Variants in WDFY4 observed in about 807,000 individuals in gnomAD.
The protein encoded by WDFY4 is WD repeat- and FYVE domain-containing protein 4.
A neutral mutation model predicts 351.9 loss-of-function variants in WDFY4; 169 were observed. The observed-to-expected ratio is 0.48, with a 90% CI of 0.42 to 0.55. WDFY4 has a LOEUF of 0.55. Ranked by LOEUF, WDFY4 falls within the 20% of genes least tolerant of loss-of-function variation. The pLI, the probability that WDFY4 is intolerant of heterozygous loss-of-function variation, is 0.00. For missense variants in WDFY4, 3,803 were observed against 3,935.6 expected, an observed-to-expected ratio of 0.97 and a Z score of 0.90; for synonymous variants, 1,622 against 1,574.6, an observed-to-expected ratio of 1.03 and a Z score of -0.71.
intron 39 of WDFY4, among the ~76,000 whole-genome samples, chr10:48,840,390 T>G (rs1044124689): frequency 4.6e-5 from 7 of 151,518 alleles, no homozygotes; most frequent in African/African-American, 1.7e-4. Context: ...TCTCTCATTT[T>G]TGCTCTTCCC....
At chr10:48,893,991 T>C (rs1196770784) in intron 44 of WDFY4, among the ~76,000 whole-genome samples, 1 of 152,186 alleles carries the variant, frequency 6.6e-6, no homozygotes, top group Admixed American at 6.5e-5. Context: ...CTTGACTGCC[T>C]GAAATTCGAT....
intron 39 of WDFY4, among the ~76,000 whole-genome samples, chr10:48,860,754 A>G (rs2377657): frequency 6.6e-5 from 10 of 152,166 alleles, no homozygotes; most frequent in Non-Finnish European, 1.5e-4. Context: ...TGTATTTTTT[A>G]AAAAATTTAT....
rs545566636 is a variant in WDFY4, at chr10:48,774,995, G to C, written c.2768+323G>C. Reference sequence around the variant, plus strand: ...TGGGCCTGGAAGGCTCTGCCGGGAGGGGTGGGGCTGGGAGGGGCTGACTGT... The same window carrying C: ...TGGGCCTGGAAGGCTCTGCCGGGAGCGGTGGGGCTGGGAGGGGCTGACTGT... On this transcript the variant is annotated intron_variant, in intron 14 of 61. Coordinates refer to ENST00000325239, the MANE Select transcript of WDFY4 (RefSeq NM_001394531.1). Among the ~76,000 whole-genome samples the C allele has an allele frequency of 1.8e-4, 27 of 152,338 alleles. No homozygotes were observed. In the South Asian group the frequency reaches 5.4e-3, roughly 30 times the overall value.
chr10:48,784,636 G>A (rs2066339344), intron 19 of WDFY4, among the ~76,000 whole-genome samples: 1 of 140,162 alleles, frequency 7.1e-6, no homozygotes, highest in Non-Finnish European at 1.5e-5. Flanking sequence ...CTGCCTCCTG[G>A]GTTCAAGTGA....
At chr10:48,715,771 G>A (rs986270481) in intron 2 of WDFY4, among the ~76,000 whole-genome samples, 8 of 151,096 alleles carry the variant, frequency 5.3e-5, no homozygotes, top group Non-Finnish European at 1.0e-4. Context: ...GACTACAGGC[G>A]CCGGCCACCA....
At chr10:48,820,530 G>A (rs945771319) in intron 33 of WDFY4, 93 bp downstream of exon 33, 79 of 1,336,586 alleles carry the variant, frequency 5.9e-5, no homozygotes, top group Non-Finnish European at 8.1e-5. Flanking sequence ...GAGACAGAGG[G>A]CCTGGGGGCC....
chr10:48,860,063 A>G (rs1227460530), intron 39 of WDFY4, among the ~76,000 whole-genome samples: 4 of 152,166 alleles, frequency 2.6e-5, no homozygotes, highest in Admixed American at 2.6e-4. Flanking sequence ...TGAGAATTGC[A>G]GTTTGTGTCA....
intron 39 of WDFY4, among the ~76,000 whole-genome samples, chr10:48,833,739 G>A (rs770641652): frequency 1.3e-5 from 2 of 152,210 alleles, no homozygotes; most frequent in Non-Finnish European, 2.9e-5. Context: ...TGCTAGACAT[G>A]GCTGTAGGGT....
Position 48,822,384 on chromosome 10 carries a change from C to G in WDFY4, c.5829C>G (p.Gly1943=). ...SGGDAAMFRD[G]KEPQPSAEAA... is the part of the protein sequence containing the mutation. ...ACCTGTCCCCTCACTCCACAGACGG[C>G]AAAGAGCCTCAGCCAAGTGCAGAAG... is the stretch of plus-strand genomic sequence containing the variant. The change falls in exon 35 of 62, where the codon GGC becomes GGG. Residue 1943 remains glycine (G), a synonymous_variant. Transcript: ENST00000325239. 2.6e-6 allele frequency: 4 copies of G among 1,543,378 alleles called. No homozygotes were observed. Among genetic ancestry groups the G allele is most frequent in the Non-Finnish European group, 3.5e-6 (4 of 1,142,728 alleles).
At position 48,797,204 on chromosome 10, in the gene WDFY4, A is replaced by G. The variant is rs116079549; in HGVS notation, c.4410+754A>G. Among the ~76,000 whole-genome samples, 207 of 152,252 alleles carry G rather than the reference A, an allele frequency of 1.4e-3. 1 individual carries two copies. Among genetic ancestry groups the G allele is most frequent in the African/African-American group, 4.6e-3 (190 of 41,546 alleles). On this transcript the variant is annotated intron_variant, in intron 24 of 61. Coordinates refer to ENST00000325239, the MANE Select transcript of WDFY4 (RefSeq NM_001394531.1). ...ACTGTACATCAGAGTGAGAGCAGCC[A>G]TGGGGACTTGAGAGCAAGTGGCTTG...
At chr10:48,826,278 TTA>T in intron 35 of WDFY4, among the ~76,000 whole-genome samples, 1 of 152,330 alleles carries the variant, frequency 6.6e-6, no homozygotes, top group African/African-American at 2.4e-5. Flanking sequence ...ATGTGTGGTC[TTA>T]TATCTGAGTT....
At chr10:48,815,254 A>T (rs1265119015) in intron 31 of WDFY4, among the ~76,000 whole-genome samples, 1 of 152,212 alleles carries the variant, frequency 6.6e-6, no homozygotes, top group African/African-American at 2.4e-5. Flanking sequence ...GGCCAAACTG[A>T]TGATGGCTTC....
intron 44 of WDFY4, among the ~76,000 whole-genome samples, chr10:48,892,635 G>T (rs1405384559): frequency 6.6e-6 from 1 of 152,146 alleles, no homozygotes; most frequent in African/African-American, 2.4e-5. Context: ...GTCTTATTTT[G>T]ACCATGGAGA....
intron 47 of WDFY4, among the ~76,000 whole-genome samples, chr10:48,907,701 C>T (rs1475056097): frequency 1.3e-5 from 2 of 152,184 alleles, no homozygotes; most frequent in African/African-American, 4.8e-5. Context: ...TAGCATTTCT[C>T]CTCCTTCAAT....
chr10:48,724,044 C>T (rs536518832), intron 5 of WDFY4, among the ~76,000 whole-genome samples: 1 of 152,300 alleles, frequency 6.6e-6, no homozygotes, highest in East Asian at 1.9e-4. Context: ...TTCCTTCTGT[C>T]ATTCCCCATC....
At position 48,828,906 on chromosome 10, in the gene WDFY4, A is replaced by G. The variant is rs1256000511; in HGVS notation, c.6340+10A>G. The G allele has an allele frequency of 1.7e-6, 1 of 600,182 alleles. No individual in the cohort carries two copies. The highest frequency in any genetic ancestry group is 2.4e-6 in the Non-Finnish European group (1 of 421,976). The allele number at this position is 600,182 out of a possible 1,614,324, so 37.2% of individuals were successfully genotyped here. On this transcript the variant is annotated intron_variant, in intron 37 of 61. Coordinates refer to ENST00000325239, the MANE Select transcript of WDFY4 (RefSeq NM_001394531.1). The stretch of plus-strand genomic sequence containing the variant: ...CCAAGTTTGAGTGATGGTACATTTT[A>G]TTTGTCATTGTGTGTGTGGGCGGGG...
chr10:48,742,305 G>A (rs924545999), intron 11 of WDFY4, among the ~76,000 whole-genome samples: 1 of 152,008 alleles, frequency 6.6e-6, no homozygotes, highest in Non-Finnish European at 1.5e-5. Flanking sequence ...TCCATTGCAG[G>A]TTTCTCTTCT....
intron 52 of WDFY4, among the ~76,000 whole-genome samples, chr10:48,957,812 C>T (rs894646570): frequency 4.6e-5 from 7 of 152,196 alleles, no homozygotes; most frequent in Admixed American, 1.3e-4. Flanking sequence ...TGCAGCAGGG[C>T]TTCTTGCTGC....
chr10:48,692,207 CAAAAGGGG>C (rs1440172082), intron 1 of WDFY4, among the ~76,000 whole-genome samples: 1 of 152,174 alleles, frequency 6.6e-6, no homozygotes, highest in Non-Finnish European at 1.5e-5. Flanking sequence ...CCCAGATATT[CAAAAGGGG>C]AAAAGCCCAG....
Sources: allele counts gnomAD v4.1 joint callset (sites outside exome capture counted in the v4.1 genomes callset), GRCh38; gene constraint gnomAD v4.1.1; transcripts MANE v1.5; gene names NCBI Gene and HGNC (gene_info 2026-07-23, HGNC 2026-07-21).